Variants in NRG3 observed in about 807,000 individuals in gnomAD.
NRG3 encodes neuregulin 3, also known as pro-neuregulin-3, membrane-bound isoform.
In NRG3, 31 loss-of-function variants were observed where a neutral mutation model predicts 66.9. The observed-to-expected ratio is 0.46, with a 90% confidence interval of 0.35 to 0.63. The LOEUF is 0.63. Ranked by LOEUF, NRG3 falls within the 20% of genes least tolerant of loss-of-function variation. The pLI is 0.00. For missense variants in NRG3, 910 were observed against 878.9 expected (o/e 1.04, Z -0.45); for synonymous variants, 393 against 359.4 (o/e 1.09, Z -1.06).
chr10:82,079,556 G>A (rs2065276031), intron 1 of NRG3, among the ~76,000 whole-genome samples: 1 of 152,178 alleles, frequency 6.6e-6, no homozygotes, highest in Non-Finnish European at 1.5e-5. Flanking sequence ...TAACAAATAT[G>A]TAACGACATG....
chr10:82,406,973 A>G (rs1006705083), intron 2 of NRG3, among the ~76,000 whole-genome samples: 1 of 151,968 alleles, frequency 6.6e-6, no homozygotes, highest in African/African-American at 2.4e-5. Flanking sequence ...TATTATTTTC[A>G]TATCCAGGGT....
intron 3 of NRG3, among the ~76,000 whole-genome samples, chr10:82,757,504 T>G (rs951765585): frequency 1.3e-5 from 2 of 152,088 alleles, no homozygotes; most frequent in Admixed American, 6.6e-5. Flanking sequence ...GAGCATTCCA[T>G]AGGGAGAAAA....
chr10:82,373,239 A>G (rs1323891819), intron 2 of NRG3, among the ~76,000 whole-genome samples: 1 of 152,258 alleles, frequency 6.6e-6, no homozygotes, highest in Non-Finnish European at 1.5e-5. Flanking sequence ...CTAAAACAGG[A>G]TAGCTTTCTA....
At chr10:82,857,531 G>A (rs1253544512) in intron 3 of NRG3, among the ~76,000 whole-genome samples, 2 of 152,096 alleles carry the variant, frequency 1.3e-5, no homozygotes, top group African/African-American at 4.8e-5. Flanking sequence ...TGGGAGATTG[G>A]GATTACAGAA....
intron 2 of NRG3, among the ~76,000 whole-genome samples, chr10:82,579,920 C>A (rs935310151): frequency 5.3e-5 from 8 of 151,880 alleles, no homozygotes; most frequent in Admixed American, 2.6e-4. Context: ...GATAGAATAT[C>A]AATACAGTCA....
chr10:81,964,328 G>A (rs1256360147), intron 1 of NRG3, among the ~76,000 whole-genome samples: 4 of 148,012 alleles, frequency 2.7e-5, no homozygotes, highest in South Asian at 2.1e-4. Flanking sequence ...CCCGGGAGGC[G>A]GAGAATGCAG....
chr10:82,018,446 A>C (rs1589800652), intron 1 of NRG3, among the ~76,000 whole-genome samples: 1 of 152,142 alleles, frequency 6.6e-6, no homozygotes, highest in South Asian at 2.1e-4. Flanking sequence ...ATGAACTTTA[A>C]AGTAGTTTTT....
At chr10:82,915,995 G>A (rs1276861660) in intron 4 of NRG3, among the ~76,000 whole-genome samples, 1 of 152,020 alleles carries the variant, frequency 6.6e-6, no homozygotes, top group Non-Finnish European at 1.5e-5. Context: ...GATCTCAGTA[G>A]CCTTTTTTAT....
intron 1 of NRG3, among the ~76,000 whole-genome samples, chr10:82,155,053 T>C (rs1318081880): frequency 4.0e-5 from 6 of 151,888 alleles, no homozygotes; most frequent in Non-Finnish European, 7.4e-5. Context: ...ATTTATTGAC[T>C]GCTCTTTAAT....
intron 1 of NRG3, among the ~76,000 whole-genome samples, chr10:82,320,173 G>A (rs1174097261): frequency 6.6e-6 from 1 of 152,126 alleles, no homozygotes; most frequent in Non-Finnish European, 1.5e-5. Context: ...ATTTTATGAA[G>A]GTAAGCCATG....
chr10:82,223,987 C>T (rs1180752052), intron 1 of NRG3, among the ~76,000 whole-genome samples: 1 of 152,050 alleles, frequency 6.6e-6, no homozygotes, highest in African/African-American at 2.4e-5. Flanking sequence ...GAAAATGTTG[C>T]CGGATTCTGG....
intron 3 of NRG3, among the ~76,000 whole-genome samples, chr10:82,865,079 A>G (rs1157493553): frequency 6.6e-6 from 1 of 152,212 alleles, no homozygotes; most frequent in Non-Finnish European, 1.5e-5. Flanking sequence ...TGAAAAGAAT[A>G]TTAGTGCCAG....
chr10:82,054,699 A>G (rs2063750164), intron 1 of NRG3, among the ~76,000 whole-genome samples: 1 of 152,118 alleles, frequency 6.6e-6, no homozygotes, highest in South Asian at 2.1e-4. Context: ...GTGACAAGAG[A>G]AAGAAAATCA....
intron 2 of NRG3, among the ~76,000 whole-genome samples, chr10:82,679,752 A>G (rs2053976066): frequency 6.6e-6 from 1 of 152,172 alleles, no homozygotes; most frequent in Non-Finnish European, 1.5e-5. Context: ...AGACAAAATA[A>G]TTACGAAGTG....
At chr10:82,608,533 C>A (rs967091376) in intron 2 of NRG3, among the ~76,000 whole-genome samples, 2 of 152,068 alleles carry the variant, frequency 1.3e-5, no homozygotes, top group Non-Finnish European at 2.9e-5. Context: ...TCCTGCTATA[C>A]GAAATCCCTA....
At chr10:82,569,406 A>G (rs1048585376) in intron 2 of NRG3, among the ~76,000 whole-genome samples, 1 of 151,714 alleles carries the variant, frequency 6.6e-6, no homozygotes, top group Non-Finnish European at 1.5e-5. Context: ...ATGAGAAGGA[A>G]CTTTAACTGA....
In NRG3 at chr10:82,747,184, G is replaced by C. The variant is rs576279028; in HGVS notation, c.1027+8534G>C. On this transcript the variant is annotated intron_variant, in intron 3 of 8. Transcript: ENST00000372141. Reference sequence around the variant, plus strand: ...AATATATTGTGAGCTTTTTCCCACAGAATTTTCTTAATTTTATATTCTTTT... The same window carrying C: ...AATATATTGTGAGCTTTTTCCCACACAATTTTCTTAATTTTATATTCTTTT... Among the ~76,000 whole-genome samples the C allele has an allele frequency of 2.6e-5, 4 of 152,034 alleles. No individual in the cohort carries two copies. In the South Asian group the frequency reaches 8.3e-4, roughly 32 times the overall value.
chr10:82,710,052 A>G (rs777549477), intron 2 of NRG3, among the ~76,000 whole-genome samples: 5 of 152,182 alleles, frequency 3.3e-5, no homozygotes, highest in Non-Finnish European at 7.3e-5. Context: ...AACAACCTAT[A>G]TTTATTTACA....
At chr10:82,841,130 C>T (rs1416980699) in intron 3 of NRG3, among the ~76,000 whole-genome samples, 1 of 152,036 alleles carries the variant, frequency 6.6e-6, no homozygotes, top group African/African-American at 2.4e-5. Flanking sequence ...TGGAGTTATG[C>T]TGCCAAAAGC....
Sources: gnomAD v4.1 joint callset for allele counts (sites outside exome capture counted in the v4.1 genomes callset) on GRCh38, gnomAD v4.1.1 for gene constraint, MANE v1.5 for transcripts, NCBI Gene and HGNC (gene_info 2026-07-23, HGNC 2026-07-21) for gene names.